PHKB: variants seen among roughly 807,000 people sequenced by gnomAD.
The protein encoded by PHKB is phosphorylase b kinase regulatory subunit beta.
In PHKB, 122 loss-of-function variants were observed where a neutral mutation model predicts 152.1. The observed-to-expected ratio is 0.80, with a 90% CI of 0.69 to 0.93. The LOEUF (loss-of-function observed/expected upper bound fraction) is 0.93, where lower values mean the gene tolerates loss of function less well. Among genes scored for constraint, PHKB ranks in the 40% least tolerant of loss-of-function variants. The probability of loss-of-function intolerance (pLI) is 0.00; values close to 1 mark genes in which losing one functional copy is unlikely to be tolerated. For missense variants in PHKB, 1,304 were observed against 1,328.4 expected, an observed-to-expected ratio of 0.98 and a Z score of 0.29; for synonymous variants, 436 against 464.9, an observed-to-expected ratio of 0.94 and a Z score of 0.80.
Position 47,483,142 on chromosome 16 carries a change from G to A in PHKB, c.77-14257G>A, listed in dbSNP as rs550740409. On this transcript the variant is annotated intron_variant, in intron 1 of 30. Transcript: ENST00000323584. ...CAACCTCCACCTCCTGGGTTCAAGC[G>A]ATTCTCATGCCTCAGCCTCCCGAGT... Among the ~76,000 whole-genome samples the A allele has an allele frequency of 7.6e-4, 113 of 148,222 alleles. 3 individuals are homozygous for A. In the South Asian group the frequency reaches 0.023, roughly 30 times the overall value.
rs8052765 is a variant in PHKB, at chr16:47,474,059, A to G, written c.76+12633A>G. Among the ~76,000 whole-genome samples, 275 of 152,254 alleles carry G rather than the reference A, an allele frequency of 1.8e-3. 2 individuals are homozygous for G. The highest frequency in any genetic ancestry group is 6.3e-3 in the African/African-American group (261 of 41,546). On this transcript the variant is annotated intron_variant, in intron 1 of 30. Transcript: ENST00000323584. ...ATTTGTCATTTTTATAGGTTCTGATATATGTCATATATGCTCTTTTTTCAA... is the reference window on the plus strand; with the variant it reads ...ATTTGTCATTTTTATAGGTTCTGATGTATGTCATATATGCTCTTTTTTCAA...
intron 14 of PHKB, among the ~76,000 whole-genome samples, chr16:47,632,914 T>G (rs1332369077): frequency 6.6e-6 from 1 of 152,206 alleles, no homozygotes; most frequent in South Asian, 2.1e-4. Context: ...TACCGTAGTT[T>G]TAAATTTTTA....
At chr16:47,680,396 T>G (rs1973826918) in intron 26 of PHKB, among the ~76,000 whole-genome samples, 1 of 152,210 alleles carries the variant, frequency 6.6e-6, no homozygotes, top group Non-Finnish European at 1.5e-5. Context: ...ATCCATCTGG[T>G]CCTGGACTAT....
intron 30 of PHKB, among the ~76,000 whole-genome samples, chr16:47,698,851 T>C (rs1833278666): frequency 1.3e-5 from 2 of 152,068 alleles, no homozygotes; most frequent in South Asian, 4.1e-4. Flanking sequence ...ATAAAAATGT[T>C]TTATCAGAGA....
chr16:47,547,524 A>G lies in PHKB; in HGVS notation c.686A>G (p.Asn229Ser), dbSNP rs745688044. Residue 229 changes from asparagine (N) to serine (S), a missense_variant, in exon 7 of 31, where the codon AAT (asparagine) becomes AGT (serine). Transcript: ENST00000323584. ...GVWERGSKYNNGSTELHSSSV... is the reference protein window; with the variant it reads ...GVWERGSKYNSGSTELHSSSV... ...TGGGAAAGAGGAAGCAAATATAATA[A>G]TGGCAGCACAGAGCTACATTCGAGG... is the stretch of plus-strand genomic sequence containing the variant. The G allele has an allele frequency of 3.1e-6, 5 of 1,604,068 alleles. No individual in the cohort carries two copies. The highest frequency in any genetic ancestry group is 1.1e-5 in the South Asian group (1 of 90,852).
At chr16:47,466,692 A>G (rs1288533930) in intron 1 of PHKB, among the ~76,000 whole-genome samples, 2 of 152,076 alleles carry the variant, frequency 1.3e-5, no homozygotes, top group Non-Finnish European at 1.5e-5. Context: ...GCAAATCAGT[A>G]CCTGTTAAAA....
intron 10 of PHKB, 146 bp from the exon 11 acceptor site, chr16:47,593,354 C>A: frequency 1.7e-6 from 1 of 579,858 alleles, no homozygotes; most frequent in Admixed American, 2.8e-5. Context: ...GAAAAAGGAT[C>A]CCTTGAGCCC....
At chr16:47,651,126 A>G (rs536708479) in intron 20 of PHKB, among the ~76,000 whole-genome samples, 1 of 152,238 alleles carries the variant, frequency 6.6e-6, no homozygotes, top group East Asian at 1.9e-4. Flanking sequence ...CCTGTGCAGA[A>G]TTTTAGACTT....
At chr16:47,552,995 T>C (rs550938394) in intron 7 of PHKB, among the ~76,000 whole-genome samples, 4 of 152,310 alleles carry the variant, frequency 2.6e-5, no homozygotes, top group East Asian at 3.9e-4. Flanking sequence ...CCTTGGTGAG[T>C]CTGACAATTA....
At chr16:47,484,565 T>C (rs1368242535) in intron 1 of PHKB, among the ~76,000 whole-genome samples, 1 of 152,194 alleles carries the variant, frequency 6.6e-6, no homozygotes, top group Non-Finnish European at 1.5e-5. Context: ...TCAATGCTTC[T>C]CAGTGAAGCA....
chr16:47,463,211 A>G (rs1023551494), intron 1 of PHKB: 1 of 152,664 alleles, frequency 6.6e-6, no homozygotes, highest in South Asian at 2.1e-4. Flanking sequence ...TGCATGTCAT[A>G]ACAGTAAGCT....
chr16:47,664,744 C>A (rs1973507257), intron 24 of PHKB, 141 bp from the exon 25 acceptor site: 5 of 693,434 alleles, frequency 7.2e-6, no homozygotes, highest in Non-Finnish European at 1.3e-5. Context: ...TCTGTTCTTG[C>A]TTTATGTATT....
At chr16:47,557,812 G>T (rs1214863910) in intron 7 of PHKB, among the ~76,000 whole-genome samples, 1 of 151,822 alleles carries the variant, frequency 6.6e-6, no homozygotes, top group East Asian at 1.9e-4. Context: ...CAACCATTGT[G>T]GAAGTCAGTG....
chr16:47,689,285 A>G, intron 27 of PHKB, 110 bp downstream of exon 27: 2 of 1,145,550 alleles, frequency 1.7e-6, no homozygotes, highest in South Asian at 1.3e-5. Context: ...GTAAAATTCA[A>G]CAGAGTGTCA....
At chr16:47,557,840 T>A (rs1385552186) in intron 7 of PHKB, among the ~76,000 whole-genome samples, 2 of 152,084 alleles carry the variant, frequency 1.3e-5, no homozygotes, top group Non-Finnish European at 2.9e-5. Context: ...TCCTCAGGGA[T>A]CTAGAACTAG....
In PHKB at chr16:47,499,992, G is replaced by GACTC; in HGVS notation, c.305+102_305+105dup. The GACTC allele has an allele frequency of 4.4e-6, 6 of 1,353,154 alleles. No homozygotes were observed. The South Asian group carries it at 7.0e-5, about 16-fold the overall frequency. 83.8% of individuals were successfully genotyped at this position (1,353,154 alleles called of 1,614,324 possible). ...GCCGCTATCTTTTGGCTCTGCTGCT[G>GACTC]ACTCACTGTGCGACCTATGACTGCT... On this transcript the variant is annotated intron_variant, in intron 3 of 30. Coordinates refer to ENST00000323584, the MANE Select transcript of PHKB (RefSeq NM_000293.3).
chr16:47,607,629 A>G (rs1305924153), intron 13 of PHKB, among the ~76,000 whole-genome samples: 2 of 152,234 alleles, frequency 1.3e-5, no homozygotes, highest in Non-Finnish European at 2.9e-5. Context: ...ATTATGAATA[A>G]TGCTGCTATA....
chr16:47,594,970 T>A (rs948075774), intron 12 of PHKB, among the ~76,000 whole-genome samples: 3 of 152,202 alleles, frequency 2.0e-5, no homozygotes, highest in African/African-American at 7.2e-5. Context: ...ATACTTAATA[T>A]TATATGCTCA....
At position 47,560,927 on chromosome 16, in the gene PHKB, G is replaced by A. The variant is rs535073481; in HGVS notation, c.710+13379G>A. The stretch of plus-strand genomic sequence containing the variant: ...TTTGTGGGAAGATTTTTGCAAATAT[G>A]TATATATGGTATAAGGAAAAGGAAA... On this transcript the variant is annotated intron_variant, in intron 7 of 30. Coordinates refer to ENST00000323584, the MANE Select transcript of PHKB (RefSeq NM_000293.3). 4.6e-5 allele frequency among the ~76,000 whole-genome samples: 7 copies of A among 152,236 alleles called. No homozygotes were observed. The East Asian group carries it at 1.2e-3, about 25-fold the overall frequency.
Sources: allele counts gnomAD v4.1 joint callset (sites outside exome capture counted in the v4.1 genomes callset), GRCh38; gene constraint gnomAD v4.1.1; transcripts MANE v1.5; gene names NCBI Gene and HGNC (gene_info 2026-07-23, HGNC 2026-07-21).